LTBP3: variants seen among roughly 807,000 people sequenced by gnomAD.
LTBP3 encodes the protein latent transforming growth factor beta binding protein 3, also known as latent-transforming growth factor beta-binding protein 3.
Under a neutral mutation model 159.7 loss-of-function variants are expected in LTBP3, and 97 were observed. The observed-to-expected ratio is 0.61, with a 90% confidence interval of 0.52 to 0.72. LTBP3 has a LOEUF of 0.72. Among genes scored for constraint, LTBP3 ranks in the 30% least tolerant of loss-of-function variants. The probability of loss-of-function intolerance (pLI) is 0.00; values close to 1 mark genes in which losing one functional copy is unlikely to be tolerated. For missense variants in LTBP3, 1,584 were observed against 1,864.3 expected, an observed-to-expected ratio of 0.85 and a Z score of 2.77; for synonymous variants, 824 against 777.1, an observed-to-expected ratio of 1.06 and a Z score of -1.00.
At chr11:65,551,053 G>T (rs888653439) in intron 11 of LTBP3, 73 bp downstream of exon 11, 9 of 1,226,242 alleles carry the variant, frequency 7.3e-6, no homozygotes, top group Admixed American at 5.9e-5. Context: ...AATGCCTGGG[G>T]GCGGGAGGGA....
chr11:65,540,984 A>C, intron 20 of LTBP3, 30 bp from the exon 21 acceptor site: 2 of 1,605,978 alleles, frequency 1.2e-6, no homozygotes, highest in South Asian at 2.2e-5. Flanking sequence ...GTGGGGAGGG[A>C]AGAGGCAGGA....
chr11:65,550,959 C>G (rs986380270), intron 11 of LTBP3, among the ~76,000 whole-genome samples, 167 bp downstream of exon 11: 1 of 152,370 alleles, frequency 6.6e-6, no homozygotes, highest in Admixed American at 6.5e-5. Context: ...CTACCTGGAT[C>G]GTTTAGGGCA....
intron 1 of LTBP3, among the ~76,000 whole-genome samples, 167 bp downstream of exon 1, chr11:65,557,462 A>G (rs539148492): frequency 6.6e-6 from 1 of 151,882 alleles, no homozygotes; most frequent in South Asian, 2.1e-4. Flanking sequence ...TCTGGCCCCC[A>G]GAGTTCCAGC....
intron 18 of LTBP3, 52 bp from the exon 19 acceptor site, chr11:65,541,780 C>T (rs1856149297): frequency 1.9e-6 from 3 of 1,608,054 alleles, no homozygotes; most frequent in African/African-American, 1.3e-5. Context: ...TTCCCTGGGG[C>T]TGCACCTCAA....
rs1473935749 is a variant in LTBP3, at chr11:65,541,840, T to C, written c.2597-112A>G. 2.2e-5 allele frequency: 28 copies of C among 1,260,850 alleles called. No individual in the cohort carries two copies. In the Admixed American group the frequency reaches 3.9e-4, roughly 18 times the overall value. 78.1% of individuals were successfully genotyped at this position (1,260,850 alleles called of 1,614,324 possible). A position where few individuals can be genotyped will look rare whatever the true frequency, so the allele number is the denominator to read the frequency against. On this transcript the variant is annotated intron_variant, in intron 18 of 27. Coordinates refer to ENST00000301873, the MANE Select transcript of LTBP3 (RefSeq NM_001130144.3). ...GAATTTCCACTTTGGTTTCAAAGTA[T>C]GTACAGCAGGAAGTCTGCTGTGTCT...
chr11:65,549,111 T>C (rs1018396072), intron 11 of LTBP3, among the ~76,000 whole-genome samples: 3 of 152,166 alleles, frequency 2.0e-5, no homozygotes, highest in African/African-American at 7.2e-5. Flanking sequence ...TTAAATGGTA[T>C]TTAGAACGTA....
chr11:65,542,903 AGGATGAATGGAAGGAT>A, intron 18 of LTBP3, 186 bp downstream of exon 18: 6 of 705,714 alleles, frequency 8.5e-6, no homozygotes, highest in Non-Finnish European at 1.5e-5. Context: ...GGTGAGTGGA[AGGATGAATGGAAGGAT>A]GGATGGATAG....
chr11:65,539,964 C>T lies in LTBP3; in HGVS notation c.3385+49G>A, dbSNP rs542670094. The T allele has an allele frequency of 1.4e-4, 206 of 1,456,590 alleles. 1 individual carries two copies. In the East Asian group the frequency reaches 5.4e-3, roughly 38 times the overall value. The allele number at this position is 1,456,590 out of a possible 1,614,324, so 90.2% of individuals were successfully genotyped here. On this transcript the variant is annotated intron_variant, in intron 24 of 27. Transcript: ENST00000301873. Reference sequence around the variant, plus strand: ...CCCCACCCCACCTGCGCGGGGGCCACGTGACGGACAGGGCCCCGGGATCGG... The same window carrying T: ...CCCCACCCCACCTGCGCGGGGGCCATGTGACGGACAGGGCCCCGGGATCGG...
Position 65,553,667 on chromosome 11 carries a change from AG to A in LTBP3, c.864+33del. The A allele has an allele frequency of 6.4e-7, 1 of 1,554,934 alleles. No homozygotes were observed. The highest frequency in any genetic ancestry group is 8.7e-7 in the Non-Finnish European group (1 of 1,155,678). The stretch of plus-strand genomic sequence containing the variant: ...GTTGGGGCAGAGCAACCCTGAGAGA[AG>A]GAAAGGCAGATCCCGACTGTGGATT... On this transcript the variant is annotated intron_variant, in intron 3 of 27. Coordinates refer to ENST00000301873, the MANE Select transcript of LTBP3 (RefSeq NM_001130144.3). The surrounding 1 kb of genome is among the most constrained non-coding windows in gnomAD (Gnocchi z 6.5).
At chr11:65,550,328 C>T (rs927062462) in intron 11 of LTBP3, among the ~76,000 whole-genome samples, 10 of 152,002 alleles carry the variant, frequency 6.6e-5, no homozygotes, top group African/African-American at 2.2e-4. Flanking sequence ...AGGAGAATGG[C>T]GTGAACCCGG....
Position 65,553,549 on chromosome 11 carries a change from G to A in LTBP3, c.865-19C>T, listed in dbSNP as rs1238137697. The A allele has an allele frequency of 6.5e-7, 1 of 1,531,800 alleles. No individual in the cohort carries two copies. 94.9% of individuals were successfully genotyped at this position (1,531,800 alleles called of 1,614,324 possible). On this transcript the variant is annotated intron_variant, in intron 3 of 27. Transcript: ENST00000301873. This position sits in a 1 kb window ranked among gnomAD's most constrained non-coding sequence, Gnocchi z 6.5. ...TGCCACACTAGGGGAAGGAGGGGGA[G>A]GTGGGGTCACAGAGCACCCCGCCCC...
At chr11:65,540,732 T>C (rs1050895318) in intron 21 of LTBP3, 118 bp from the exon 22 acceptor site, 8 of 1,514,894 alleles carry the variant, frequency 5.3e-6, no homozygotes, top group South Asian at 3.4e-5. Flanking sequence ...GGGCGGGGCC[T>C]ACAGGGCGGG....
Position 65,552,490 on chromosome 11 carries a change from T to C in LTBP3, c.1187-84A>G. ...GCCCAGCTGCTGCAGACCTTGCCTC[T>C]CCGGCCCAGACAACCCTTGATCCCC... On this transcript the variant is annotated intron_variant, in intron 6 of 27. Transcript: ENST00000301873. This position sits in a 1 kb window ranked among gnomAD's most constrained non-coding sequence, Gnocchi z 6.0. 3 of 1,547,248 alleles carry C rather than the reference T, an allele frequency of 1.9e-6. No homozygotes were observed. Among genetic ancestry groups the C allele is most frequent in the Non-Finnish European group, 2.6e-6 (3 of 1,138,912 alleles).
At chr11:65,542,661 C>G (rs568251471) in intron 18 of LTBP3, 66 of 286,942 alleles carry the variant, frequency 2.3e-4, no homozygotes, top group South Asian at 2.1e-3. Context: ...GCTGGGATTA[C>G]AGGCATGAGC....
In LTBP3 at chr11:65,539,092, C is replaced by G. The variant is rs1047991308; in HGVS notation, c.3900G>C (p.Gln1300His). 1.2e-5 allele frequency: 17 copies of G among 1,428,114 alleles called. No homozygotes were observed. Among genetic ancestry groups the G allele is most frequent in the Non-Finnish European group, 1.5e-5 (16 of 1,087,314 alleles). The allele number at this position is 1,428,114 out of a possible 1,614,324, so 88.5% of individuals were successfully genotyped here. The change falls in exon 28 of 28, where the codon CAG (glutamine) becomes CAC (histidine). Residue 1300 changes from glutamine to histidine, a missense_variant. This residue lies in a region of LTBP3 where 514 missense variants were observed against 530.3 expected (regional missense o/e 0.97). Transcript: ENST00000301873. The stretch of plus-strand genomic sequence containing the variant: ...GGCGTCGGCGGCGTCAGCGGCGGCG[C>G]TGGGGAACGCAGGCCCCGTGCGGGC... Reference protein sequence around the residue: ...RSRPHGACVPQRRR With the variant: ...RSRPHGACVPHRRR
chr11:65,546,779 C>T lies in LTBP3; in HGVS notation c.2230+19G>A. Reference sequence around the variant, plus strand: ...GCACCTGACGGCCCCACCCACTCGGCTCCGGGCCCCGCCCTCACCGCGACA... The same window carrying T: ...GCACCTGACGGCCCCACCCACTCGGTTCCGGGCCCCGCCCTCACCGCGACA... On this transcript the variant is annotated intron_variant, in intron 15 of 27. Transcript: ENST00000301873. The surrounding 1 kb of genome is among the most constrained non-coding windows in gnomAD (Gnocchi z 4.0). The T allele has an allele frequency of 6.3e-7, 1 of 1,592,610 alleles. No individual in the cohort carries two copies. The highest frequency in any genetic ancestry group is 1.1e-5 in the South Asian group (1 of 90,548).
Position 65,540,085 on chromosome 11 carries a change from G to A in LTBP3, c.3313C>T (p.Arg1105Cys). 1.3e-6 allele frequency: 2 copies of A among 1,525,940 alleles called. No homozygotes were observed. The highest frequency in any genetic ancestry group is 1.8e-6 in the Non-Finnish European group (2 of 1,141,526). The allele number at this position is 1,525,940 out of a possible 1,614,324, so 94.5% of individuals were successfully genotyped here. A position where few individuals can be genotyped will look rare whatever the true frequency, so the allele number is the denominator to read the frequency against. ...GRCVNLPGSY[R>C]CECRPPWVPG... ...ACCCAGGGCGGGCGACACTCGCAGCGGTAGGAGCCCGGCAGGTTGACGCAG... is the reference window on the plus strand; with the variant it reads ...ACCCAGGGCGGGCGACACTCGCAGCAGTAGGAGCCCGGCAGGTTGACGCAG... Residue 1105 changes from arginine (R) to cysteine (C), a missense_variant, in exon 24 of 28, where the codon CGC becomes TGC. By Grantham distance (180) the Arg-to-Cys change is radical. This residue lies in a region of LTBP3 where 514 missense variants were observed against 530.3 expected (regional missense o/e 0.97). Transcript: ENST00000301873.
Position 65,543,127 on chromosome 11 carries a change from C to A in LTBP3, c.2574G>T (p.Leu858=), listed in dbSNP as rs777391367. ...TACCTTGGCATTTCCTGCCACCCAC[C>A]AGCCGATGCCCCTGGGGGCAAAGAC... ...YRCLCPQGHR[L]VGGRKCQDID... is the part of the protein sequence containing the mutation. Residue 858 remains leucine, a synonymous_variant, in exon 18 of 28, where the codon CTG becomes CTT. Transcript: ENST00000301873. 1 of 1,614,116 alleles carries A rather than the reference C, an allele frequency of 6.2e-7. No individual in the cohort carries two copies.
At position 65,540,172 on chromosome 11, in the gene LTBP3, TG is replaced by T; in HGVS notation, c.3245-20del. Reference sequence around the variant, plus strand: ...TCCACGTCTACGAACAGCGAGGGGGTGGGTGGGGGCCGTCACAGCTCGGCCC... The same window carrying T: ...TCCACGTCTACGAACAGCGAGGGGGTGGTGGGGGCCGTCACAGCTCGGCCC... On this transcript the variant is annotated intron_variant, in intron 23 of 27. Transcript: ENST00000301873. 2 of 1,531,478 alleles carry T rather than the reference TG, an allele frequency of 1.3e-6. No homozygotes were observed. Among genetic ancestry groups the T allele is most frequent in the Non-Finnish European group, 8.8e-7 (1 of 1,141,928 alleles). The allele number at this position is 1,531,478 out of a possible 1,614,324, so 94.9% of individuals were successfully genotyped here. A position where few individuals can be genotyped will look rare whatever the true frequency, so the allele number is the denominator to read the frequency against.
Sources: allele counts gnomAD v4.1 joint callset (sites outside exome capture counted in the v4.1 genomes callset), GRCh38; gene constraint gnomAD v4.1.1; regional missense constraint gnomAD v4.1.1; non-coding constraint Gnocchi (gnomAD v3.1); transcripts MANE v1.5; gene names NCBI Gene and HGNC (gene_info 2026-07-23, HGNC 2026-07-21).